Variants in ZNF573 observed in about 807,000 individuals in gnomAD.
The protein encoded by ZNF573 is zinc finger protein 573.
ZNF573 carries 41 observed loss-of-function variants against 57.4 expected under a neutral mutation model. That is an observed-to-expected ratio of 0.71 (90% CI 0.56 to 0.93). The LOEUF is 0.93. Ranked by LOEUF, ZNF573 falls within the 40% of genes least tolerant of loss-of-function variation. The probability of loss-of-function intolerance (pLI) is 0.00; values close to 1 mark genes in which losing one functional copy is unlikely to be tolerated. For missense variants in ZNF573, 730 were observed against 794.8 expected, an observed-to-expected ratio of 0.92 and a Z score of 0.98; for synonymous variants, 249 against 261.0, an observed-to-expected ratio of 0.95 and a Z score of 0.44.
intron 4 of ZNF573, among the ~76,000 whole-genome samples, chr19:37,758,200 AAAATATATATATAT>A (rs2045510053): frequency 7.2e-5 from 1 of 13,974 alleles, no homozygotes; most frequent in Admixed American, 8.6e-4. Context: ...AAAGTATAAT[AAAATATATATATAT>A]ATATATATAT....
intron 2 of ZNF573, among the ~76,000 whole-genome samples, chr19:37,773,251 T>A (rs542604244): frequency 3.9e-4 from 59 of 152,348 alleles, no homozygotes; most frequent in Non-Finnish European, 7.5e-4. Context: ...GACCAATTGA[T>A]AACCAAATCC....
chr19:37,764,902 CTTTT>C (rs34049888), intron 4 of ZNF573, among the ~76,000 whole-genome samples: 2 of 106,506 alleles, frequency 1.9e-5, no homozygotes, highest in Non-Finnish European at 1.8e-5. Context: ...TGTGCCCGGC[CTTTT>C]TTTTTTTTTT....
rs956946755 is a variant in ZNF573 at position 37,771,629 on chromosome 19, T to C, written c.137A>G (p.Asp46Gly). 1.9e-6 allele frequency: 3 copies of C among 1,602,490 alleles called. No homozygotes were observed. The African/African-American group carries it at 4.1e-5, about 22-fold the overall frequency. ...DFSRQEWEYL[D>G]PNQRDLYRDV... ...CCTGTATAAGTCCCTCTGATTAGGG[T>C]CCAGGTATTCCCACTCCTGCCGAGA... The change falls in exon 3 of 5, where the codon GAC (aspartate) becomes GGC (glycine). Residue 46 changes from aspartate (D) to glycine (G), a missense_variant. By Grantham distance (94) the Asp-to-Gly change is moderately conservative. Transcript: ENST00000536220.
At chr19:37,774,066 C>T (rs2045683735) in intron 1 of ZNF573, among the ~76,000 whole-genome samples, 1 of 150,048 alleles carries the variant, frequency 6.7e-6, no homozygotes, top group African/African-American at 2.5e-5. Context: ...AGAAGATTCA[C>T]TTGCCTTCAT....
chr19:37,758,965 C>T (rs2045524831), intron 4 of ZNF573: 1 of 387,718 alleles, frequency 2.6e-6, no homozygotes, highest in African/African-American at 2.2e-5. Flanking sequence ...CAGTTGCTTT[C>T]TAATATATCA....
At chr19:37,753,757 G>A (rs1056806581) in intron 4 of ZNF573, among the ~76,000 whole-genome samples, 2 of 152,084 alleles carry the variant, frequency 1.3e-5, no homozygotes, top group Non-Finnish European at 2.9e-5. Context: ...TAGTTGCCAG[G>A]CAAAAAGATC....
At position 37,738,361 on chromosome 19, in the gene ZNF573, T is replaced by C; in HGVS notation, c.*131A>G. On this transcript the variant is annotated 3_prime_UTR_variant, in exon 5 of 5. Transcript: ENST00000536220. Reference sequence around the variant, plus strand: ...AAAACAGGACTGACATTGAATGCTTTCTAATGTGGCAAGATCTGCATTTTG... The same window carrying C: ...AAAACAGGACTGACATTGAATGCTTCCTAATGTGGCAAGATCTGCATTTTG... 1 of 969,732 alleles carries C rather than the reference T, an allele frequency of 1.0e-6. No homozygotes were observed. Among genetic ancestry groups the C allele is most frequent in the Admixed American group, 2.8e-5 (1 of 35,786 alleles). 60.1% of individuals were successfully genotyped at this position (969,732 alleles called of 1,614,324 possible).
At chr19:37,754,106 T>C (rs1348792854) in intron 4 of ZNF573, among the ~76,000 whole-genome samples, 2 of 152,214 alleles carry the variant, frequency 1.3e-5, no homozygotes, top group South Asian at 2.1e-4. Flanking sequence ...GTTGGGAGAA[T>C]GTCTAAAGAA....
At chr19:37,762,056 A>G (rs942686971) in intron 4 of ZNF573, among the ~76,000 whole-genome samples, 2 of 152,262 alleles carry the variant, frequency 1.3e-5, no homozygotes, top group Admixed American at 6.5e-5. Flanking sequence ...TAGCATTGCC[A>G]GTGGAACAAA....
At chr19:37,778,076 A>C (rs2145343267) in intron 1 of ZNF573, among the ~76,000 whole-genome samples, 1 of 151,500 alleles carries the variant, frequency 6.6e-6, no homozygotes, top group East Asian at 2.0e-4. Flanking sequence ...TCTTGAAGTA[A>C]CTAATACAAA....
chr19:37,757,961 C>T (rs1174702318), intron 4 of ZNF573, among the ~76,000 whole-genome samples: 1 of 151,288 alleles, frequency 6.6e-6, no homozygotes, highest in Non-Finnish European at 1.5e-5. Context: ...CCAAACACTG[C>T]ATATTCTCAC....
At position 37,738,488 on chromosome 19, in the gene ZNF573, GGTCTT is replaced by G; in HGVS notation, c.1997_*3del. On this transcript the variant is annotated stop_lost and 3_prime_UTR_variant, in exon 5 of 5. Transcript: ENST00000536220. Reference sequence around the variant, plus strand: ...TGAATGGCGCGCTCGTACTCTTTACGGTCTTACACTTTTATGCTCCTATGAATTCT... The same window carrying G: ...TGAATGGCGCGCTCGTACTCTTTACGACACTTTTATGCTCCTATGAATTCT... 2 of 1,521,174 alleles carry G rather than the reference GGTCTT, an allele frequency of 1.3e-6. No individual in the cohort carries two copies. The highest frequency in any genetic ancestry group is 1.8e-6 in the Non-Finnish European group (2 of 1,137,806). The allele number at this position is 1,521,174 out of a possible 1,614,324, so 94.2% of individuals were successfully genotyped here.
chr19:37,760,306 C>T (rs1251673422), intron 4 of ZNF573, among the ~76,000 whole-genome samples: 1 of 149,010 alleles, frequency 6.7e-6, no homozygotes, highest in Non-Finnish European at 1.5e-5. Context: ...CCTAGATTAA[C>T]AACTTGTAGT....
intron 4 of ZNF573, among the ~76,000 whole-genome samples, chr19:37,763,074 A>C (rs1464281554): frequency 2.0e-5 from 3 of 151,620 alleles, no homozygotes; most frequent in Non-Finnish European, 4.4e-5. Flanking sequence ...CGCCCAGCCA[A>C]ACCAGTCTTC....
intron 4 of ZNF573, among the ~76,000 whole-genome samples, chr19:37,745,035 G>A (rs912766357): frequency 6.6e-6 from 1 of 151,662 alleles, no homozygotes; most frequent in Non-Finnish European, 1.5e-5. Flanking sequence ...GCCCACTTTG[G>A]CCTCCCAAAG....
chr19:37,760,904 T>C (rs527820570), intron 4 of ZNF573, among the ~76,000 whole-genome samples: 3 of 151,602 alleles, frequency 2.0e-5, no homozygotes, highest in Non-Finnish European at 4.4e-5. Flanking sequence ...GCATTAAAGA[T>C]GTGTACAAGC....
chr19:37,768,836 T>G lies in ZNF573; in HGVS notation c.295+1169A>C, dbSNP rs568569839. On this transcript the variant is annotated intron_variant, in intron 4 of 4. Transcript: ENST00000536220. ...GCCCGCCACTATGCCCTGTTAATTT[T>G]TTTGTATTTTTAGTAGAGACGGGGT... Among the ~76,000 whole-genome samples, 200 of 122,498 alleles carry G rather than the reference T, an allele frequency of 1.6e-3. 1 individual carries two copies. The highest frequency in any genetic ancestry group is 5.2e-3 in the African/African-American group (193 of 37,410). 80.4% of individuals were successfully genotyped at this position (122,498 alleles called of 152,430 possible).
chr19:37,745,221 C>G (rs188517689), intron 4 of ZNF573, among the ~76,000 whole-genome samples: 1 of 152,050 alleles, frequency 6.6e-6, no homozygotes, highest in Non-Finnish European at 1.5e-5. Context: ...GCCACAGGCA[C>G]CCACCACTAT....
intron 4 of ZNF573, among the ~76,000 whole-genome samples, chr19:37,746,799 G>A (rs1245306099): frequency 6.6e-6 from 1 of 152,268 alleles, no homozygotes; most frequent in Middle Eastern, 3.4e-3. Context: ...GGCCAGGCTG[G>A]TCTTAAAAAC....
Sources: gnomAD v4.1 joint callset for allele counts (sites outside exome capture counted in the v4.1 genomes callset) on GRCh38, gnomAD v4.1.1 for gene constraint, MANE v1.5 for transcripts, NCBI Gene and HGNC (gene_info 2026-07-23, HGNC 2026-07-21) for gene names.